Variants in FLT1 observed in about 807,000 individuals in gnomAD.
FLT1 encodes the protein vascular endothelial growth factor receptor 1.
A neutral mutation model predicts 156.3 loss-of-function variants in FLT1; 49 were observed. The observed-to-expected ratio is 0.31, with a 90% CI of 0.25 to 0.40. FLT1 has a LOEUF of 0.40. Ranked by LOEUF, FLT1 falls within the 10% of genes least tolerant of loss-of-function variation. The pLI, the probability that FLT1 is intolerant of heterozygous loss-of-function variation, is 1.00. For missense variants in FLT1, 1,322 were observed against 1,637.2 expected, an observed-to-expected ratio of 0.81 and a Z score of 3.32; for synonymous variants, 594 against 583.8, an observed-to-expected ratio of 1.02 and a Z score of -0.25.
At chr13:28,399,261 G>T in intron 11 of FLT1, 1 of 514,462 alleles carries the variant, frequency 1.9e-6, no homozygotes, top group Non-Finnish European at 3.5e-6. Flanking sequence ...GTCAGCTCCA[G>T]CACTGTTTTT....
Position 28,427,106 on chromosome 13 carries a change from T to C in FLT1, c.1436+53A>G. The C allele has an allele frequency of 4.0e-6, 6 of 1,514,380 alleles. No individual in the cohort carries two copies. The South Asian group carries it at 6.7e-5, about 17-fold the overall frequency. 93.8% of individuals were successfully genotyped at this position (1,514,380 alleles called of 1,614,324 possible). A position where few individuals can be genotyped will look rare whatever the true frequency, so the allele number is the denominator to read the frequency against. ...ATCTGCGTCCATTAAAAAATCTTAA[T>C]TCCAGGTGTCAAAAAGTATTTGAAA... On this transcript the variant is annotated intron_variant, in intron 10 of 29. Coordinates refer to ENST00000282397, the MANE Select transcript of FLT1 (RefSeq NM_002019.4).
chr13:28,493,755 G>A (rs1881588932), intron 1 of FLT1, among the ~76,000 whole-genome samples: 1 of 152,146 alleles, frequency 6.6e-6, no homozygotes, highest in African/African-American at 2.4e-5. Context: ...AAGTTCCTCG[G>A]GGCTTTGACC....
At chr13:28,466,627 C>A in intron 3 of FLT1, 2 of 457,574 alleles carry the variant, frequency 4.4e-6, no homozygotes. Context: ...CTTATTCATC[C>A]AACTATGGGC....
intron 3 of FLT1, among the ~76,000 whole-genome samples, chr13:28,453,206 C>G (rs928869837): frequency 6.6e-6 from 1 of 150,686 alleles, no homozygotes; most frequent in African/African-American, 2.4e-5. Context: ...TCACTGCAAG[C>G]TTTACCTCCT....
intron 4 of FLT1, among the ~76,000 whole-genome samples, chr13:28,436,667 C>G (rs961797781): frequency 2.0e-5 from 3 of 152,182 alleles, no homozygotes; most frequent in African/African-American, 7.2e-5. Context: ...TTATCTCAGA[C>G]TAATGGGAGT....
intron 24 of FLT1, 44 bp from the exon 25 acceptor site, chr13:28,317,641 A>C: frequency 6.5e-6 from 8 of 1,237,826 alleles, no homozygotes; most frequent in Non-Finnish European, 8.4e-6. Context: ...TTATGGCTTA[A>C]GGGTACAAAA....
At chr13:28,360,571 C>T (rs1320804441) in intron 14 of FLT1, among the ~76,000 whole-genome samples, 2 of 152,012 alleles carry the variant, frequency 1.3e-5, no homozygotes, top group African/African-American at 2.4e-5. Flanking sequence ...TTATGTTGAG[C>T]GAAATAAGCC....
chr13:28,440,420 T>G (rs1878272099), intron 3 of FLT1, among the ~76,000 whole-genome samples: 2 of 152,210 alleles, frequency 1.3e-5, no homozygotes, highest in South Asian at 2.1e-4. Context: ...GGCGGCACCC[T>G]GAAGGCTGAA....
chr13:28,475,549 A>T (rs1283627788), intron 1 of FLT1, among the ~76,000 whole-genome samples: 1 of 152,234 alleles, frequency 6.6e-6, no homozygotes, highest in Non-Finnish European at 1.5e-5. Flanking sequence ...GATGTAGCTT[A>T]TTAAAGGCCG....
intron 12 of FLT1, chr13:28,396,670 A>T: frequency 2.0e-6 from 1 of 504,866 alleles, no homozygotes; most frequent in Non-Finnish European, 3.6e-6. Context: ...ACCCTGTGCT[A>T]GGTACTGAAG....
At chr13:28,476,361 C>A (rs1334137522) in intron 1 of FLT1, among the ~76,000 whole-genome samples, 1 of 152,182 alleles carries the variant, frequency 6.6e-6, no homozygotes, top group Non-Finnish European at 1.5e-5. Context: ...TCACTGCTGA[C>A]TAATCCCTTA....
intron 18 of FLT1, 71 bp from the exon 19 acceptor site, chr13:28,329,799 G>A (rs1298733765): frequency 5.5e-6 from 7 of 1,277,262 alleles, no homozygotes; most frequent in Non-Finnish European, 5.6e-6. Flanking sequence ...CGGCATTCTT[G>A]CCCTCCTTGT....
chr13:28,318,926 T>C (rs1256469426), intron 24 of FLT1, among the ~76,000 whole-genome samples: 6 of 152,186 alleles, frequency 3.9e-5, no homozygotes, highest in Non-Finnish European at 7.3e-5. Context: ...TATAAACCAG[T>C]GTCCAGAGCC....
intron 10 of FLT1, among the ~76,000 whole-genome samples, chr13:28,423,045 G>A (rs1877102136): frequency 6.6e-6 from 1 of 152,240 alleles, no homozygotes; most frequent in Admixed American, 6.5e-5. Flanking sequence ...ATGGAGGACT[G>A]TAAGATCAAG....
intron 1 of FLT1, among the ~76,000 whole-genome samples, chr13:28,485,296 G>T (rs539443067): frequency 6.6e-6 from 1 of 152,200 alleles, no homozygotes; most frequent in East Asian, 1.9e-4. Context: ...CCAAGAAGCT[G>T]CAGAGCTGCC....
chr13:28,386,635 C>G, intron 13 of FLT1: 1 of 1,056,502 alleles, frequency 9.5e-7, no homozygotes, highest in East Asian at 5.3e-5. Flanking sequence ...TGCTATCTGC[C>G]AAACAGCTTT....
intron 14 of FLT1, among the ~76,000 whole-genome samples, chr13:28,365,696 T>G (rs1873267254): frequency 2.6e-5 from 4 of 152,200 alleles, no homozygotes; most frequent in Non-Finnish European, 4.4e-5. Flanking sequence ...GTTTCTGAGA[T>G]AGTTTAATTG....
chr13:28,385,791 G>A, intron 13 of FLT1: 5 of 1,034,638 alleles, frequency 4.8e-6, no homozygotes, highest in Non-Finnish European at 4.7e-6. Flanking sequence ...ACATTAAGAT[G>A]CAATACATTA....
intron 29 of FLT1, among the ~76,000 whole-genome samples, chr13:28,303,662 T>C (rs1269235450): frequency 2.6e-5 from 4 of 152,134 alleles, no homozygotes; most frequent in African/African-American, 7.2e-5. Flanking sequence ...CTCCAAGACT[T>C]GGGTGCAGCC....
Sources: allele counts gnomAD v4.1 joint callset (sites outside exome capture counted in the v4.1 genomes callset), GRCh38; gene constraint gnomAD v4.1.1; transcripts MANE v1.5; gene names NCBI Gene and HGNC (gene_info 2026-07-23, HGNC 2026-07-21).